The following IRAK4 variants were observed in gnomAD, a reference collection of about 807,000 sequenced individuals.
IRAK4 encodes the protein interleukin-1 receptor-associated kinase 4.
IRAK4 carries 44 observed loss-of-function variants against 51.8 expected under a neutral mutation model. The ratio of observed to expected loss-of-function variants is 0.85; its 90% CI spans 0.67 to 1.09. The LOEUF is 1.09. IRAK4 is among the 50% of genes least tolerant of loss of function. The probability of loss-of-function intolerance (pLI) is 0.00; values close to 1 mark genes in which losing one functional copy is unlikely to be tolerated. For synonymous variants in IRAK4, 149 were observed against 174.1 expected, an observed-to-expected ratio of 0.86 and a Z score of 1.13; for missense variants, 487 against 538.0, an observed-to-expected ratio of 0.91 and a Z score of 0.94.
At chr12:43,778,441 A>G (rs748087337) in intron 8 of IRAK4, 139 bp downstream of exon 8, 68 of 655,224 alleles carry the variant, frequency 1.0e-4, no homozygotes, top group Non-Finnish European at 1.7e-4. Context: ...GCTCTTCTCA[A>G]TAAGGACATC....
chr12:43,782,764 C>T (rs908316356), intron 9 of IRAK4, among the ~76,000 whole-genome samples: 1 of 152,154 alleles, frequency 6.6e-6, no homozygotes, highest in African/African-American at 2.4e-5. Context: ...TGAATCATGT[C>T]ATACAGTATA....
chr12:43,775,616 A>G (rs1035394240), intron 6 of IRAK4, among the ~76,000 whole-genome samples: 7 of 152,124 alleles, frequency 4.6e-5, no homozygotes, highest in African/African-American at 1.4e-4. Flanking sequence ...TTATTTAACC[A>G]TAGCTAGGTT....
intron 9 of IRAK4, 48 bp from the exon 10 acceptor site, chr12:43,783,613 GC>G (rs768082448): frequency 4.2e-6 from 5 of 1,200,780 alleles, no homozygotes; most frequent in Non-Finnish European, 1.2e-6. Context: ...TAGCCACTGT[GC>G]CCAGCCTATC....
Position 43,779,308 on chromosome 12 carries a change from T to C in IRAK4, c.941+1006T>C, listed in dbSNP as rs562148725. 5.3e-5 allele frequency among the ~76,000 whole-genome samples: 8 copies of C among 152,158 alleles called. No individual in the cohort carries two copies. The South Asian group carries it at 1.7e-3, about 32-fold the overall frequency. The stretch of plus-strand genomic sequence containing the variant: ...AGTATGACTGAGATGCAGAAAGTTA[T>C]AGGGTGGTGGATTGGAGATAAAACT... On this transcript the variant is annotated intron_variant, in intron 8 of 11. Transcript: ENST00000613694.
chr12:43,761,471 T>C (rs900047208), intron 1 of IRAK4, among the ~76,000 whole-genome samples: 2 of 152,222 alleles, frequency 1.3e-5, no homozygotes, highest in African/African-American at 4.8e-5. Context: ...GCTCCTTTTT[T>C]TTTTTGACCA....
chr12:43,766,566 T>G (rs1940172077), intron 1 of IRAK4, among the ~76,000 whole-genome samples: 1 of 152,184 alleles, frequency 6.6e-6, no homozygotes, highest in Non-Finnish European at 1.5e-5. Context: ...ATAAATATTT[T>G]CTGAATGTAT....
Position 43,789,481 on chromosome 12 carries a change from A to ACT in IRAK4, c.*2767_*2768dup, listed in dbSNP as rs1325606665. The stretch of plus-strand genomic sequence containing the variant: ...CTTTATAGTGATGCAAAACGGGCTA[A>ACT]CTATATAAATTTGTAATTTTTAAGT... On this transcript the variant is annotated 3_prime_UTR_variant, in exon 12 of 12. Transcript: ENST00000613694. 6.6e-6 allele frequency: 1 copy of ACT among 152,226 alleles called. No homozygotes were observed. 9.4% of individuals were successfully genotyped at this position (152,226 alleles called of 1,614,324 possible).
chr12:43,782,297 T>A lies in IRAK4; in HGVS notation c.942-10T>A. On this transcript the variant is annotated splice_polypyrimidine_tract_variant and intron_variant, in intron 8 of 11. Coordinates refer to ENST00000613694, the MANE Select transcript of IRAK4 (RefSeq NM_016123.4). The stretch of plus-strand genomic sequence containing the variant: ...AACATTTTTTTCTTCAAACTTTACA[T>A]TTTTTTCAGTGCAAATATCTTACTG... 6.2e-7 allele frequency: 1 copy of A among 1,603,068 alleles called. No individual in the cohort carries two copies. The highest frequency in any genetic ancestry group is 8.5e-7 in the Non-Finnish European group (1 of 1,170,020).
intron 1 of IRAK4, among the ~76,000 whole-genome samples, chr12:43,764,537 G>A (rs1939915228): frequency 6.6e-6 from 1 of 152,202 alleles, no homozygotes; most frequent in African/African-American, 2.4e-5. Flanking sequence ...AGAGTCCTGG[G>A]AATTTAACCA....
intron 1 of IRAK4, among the ~76,000 whole-genome samples, chr12:43,764,178 C>T (rs953339150): frequency 6.6e-6 from 1 of 152,158 alleles, no homozygotes; most frequent in African/African-American, 2.4e-5. Context: ...AATCCCAGCA[C>T]TTTGGGAGGC....
At chr12:43,780,646 A>G (rs1466307110) in intron 8 of IRAK4, among the ~76,000 whole-genome samples, 1 of 148,180 alleles carries the variant, frequency 6.7e-6, no homozygotes, top group Admixed American at 6.9e-5. Context: ...GTCTTGGCTC[A>G]CTGCAACCGT....
intron 1 of IRAK4, 28 bp from the exon 2 acceptor site, chr12:43,768,075 A>G: frequency 6.3e-7 from 1 of 1,577,982 alleles, no homozygotes. Flanking sequence ...GTACTGTAAA[A>G]TTTTAATGAG....
rs1046000528 is a variant in IRAK4, at chr12:43,786,282, T to C, written c.1189-117T>C. 11 of 628,544 alleles carry C rather than the reference T, an allele frequency of 1.8e-5. No homozygotes were observed. In the African/African-American group the frequency reaches 1.9e-4, roughly 11 times the overall value. 38.9% of individuals were successfully genotyped at this position (628,544 alleles called of 1,614,324 possible). On this transcript the variant is annotated intron_variant, in intron 10 of 11. Coordinates refer to ENST00000613694, the MANE Select transcript of IRAK4 (RefSeq NM_016123.4). Reference sequence around the variant, plus strand: ...TTCTTAATAAGGTTTTAAGATAAGATAGTAAAATGAGAGCACATGTTATTA... The same window carrying C: ...TTCTTAATAAGGTTTTAAGATAAGACAGTAAAATGAGAGCACATGTTATTA...
intron 8 of IRAK4, among the ~76,000 whole-genome samples, chr12:43,779,192 G>A (rs1034349263): frequency 2.0e-5 from 3 of 152,138 alleles, no homozygotes; most frequent in African/African-American, 7.2e-5. Flanking sequence ...GAGCCCAGGA[G>A]TTCAAGGTTG....
In IRAK4 at chr12:43,786,800, T is replaced by C; in HGVS notation, c.*85T>C. 8.4e-7 allele frequency: 1 copy of C among 1,195,004 alleles called. No homozygotes were observed. The highest frequency in any genetic ancestry group is 1.2e-6 in the Non-Finnish European group (1 of 809,146). 74.0% of individuals were successfully genotyped at this position (1,195,004 alleles called of 1,614,324 possible). On this transcript the variant is annotated 3_prime_UTR_variant, in exon 12 of 12. Coordinates refer to ENST00000613694, the MANE Select transcript of IRAK4 (RefSeq NM_016123.4). ...CTGATTTTTTTCCTAAATATTCTTCTTTACCTTTAACAAGGCATAGGCTGT... is the reference window on the plus strand; with the variant it reads ...CTGATTTTTTTCCTAAATATTCTTCCTTACCTTTAACAAGGCATAGGCTGT...
In IRAK4 at chr12:43,770,104, A is replaced by G. The variant is rs542267791; in HGVS notation, c.162-1116A>G. On this transcript the variant is annotated intron_variant, in intron 2 of 11. Coordinates refer to ENST00000613694, the MANE Select transcript of IRAK4 (RefSeq NM_016123.4). ...TAAGTTTGAAATTTTTAAAAATAAA[A>G]TCTTTAGAGGAAAAACAGAAAGAAA... Among the ~76,000 whole-genome samples, 4 of 152,340 alleles carry G rather than the reference A, an allele frequency of 2.6e-5. No homozygotes were observed. In the South Asian group the frequency reaches 6.2e-4, roughly 24 times the overall value.
chr12:43,776,133 C>T lies in IRAK4; in HGVS notation c.717-1497C>T, dbSNP rs566296076. Among the ~76,000 whole-genome samples, 25 of 152,072 alleles carry T rather than the reference C, an allele frequency of 1.6e-4. No individual in the cohort carries two copies. In the East Asian group the frequency reaches 4.6e-3, roughly 28 times the overall value. On this transcript the variant is annotated intron_variant, in intron 6 of 11. Transcript: ENST00000613694. ...ATCTGACGTCGTGATCTGCCTGCCT[C>T]GGCTGGGAATACAGGCGTGAGTCAC...
At chr12:43,782,630 C>T in intron 9 of IRAK4, 140 bp downstream of exon 9, 1 of 699,144 alleles carries the variant, frequency 1.4e-6, no homozygotes, top group South Asian at 2.2e-5. Context: ...TCTACTTATA[C>T]CAGAAAGTTT....
At chr12:43,785,817 G>A (rs4251542) in intron 10 of IRAK4, among the ~76,000 whole-genome samples, 47 of 151,742 alleles carry the variant, frequency 3.1e-4, no homozygotes, top group Admixed American at 1.6e-3. Context: ...GGCTACAAAC[G>A]TATGCTATAC....
Sources: gnomAD v4.1 joint callset for allele counts (sites outside exome capture counted in the v4.1 genomes callset) on GRCh38, gnomAD v4.1.1 for gene constraint, MANE v1.5 for transcripts, NCBI Gene and HGNC (gene_info 2026-07-23, HGNC 2026-07-21) for gene names.